Variants in ZNF804B observed in about 807,000 individuals in gnomAD.
The protein encoded by ZNF804B is zinc finger protein 804B, also known as zinc finger 804B.
Under a neutral mutation model 101.4 loss-of-function variants are expected in ZNF804B, and 80 were observed. That is an observed-to-expected ratio of 0.79 (90% CI 0.66 to 0.95). ZNF804B has a LOEUF of 0.95. ZNF804B is among the 40% of genes least tolerant of loss of function. The pLI is 0.00. For synonymous variants in ZNF804B, 622 were observed against 558.8 expected, an observed-to-expected ratio of 1.11 and a Z score of -1.59; for missense variants, 1,673 against 1,561.9, an observed-to-expected ratio of 1.07 and a Z score of -1.20.
intron 1 of ZNF804B, among the ~76,000 whole-genome samples, chr7:88,775,748 C>T (rs894729624): frequency 7.9e-5 from 12 of 152,172 alleles, no homozygotes; most frequent in African/African-American, 2.7e-4. Flanking sequence ...CTCCTCATTC[C>T]TGAAAAGCAT....
In ZNF804B at chr7:89,022,887, C is replaced by A. The variant is rs538527991; in HGVS notation, c.109-195268C>A. Among the ~76,000 whole-genome samples, 4 of 152,086 alleles carry A rather than the reference C, an allele frequency of 2.6e-5. No individual in the cohort carries two copies. The South Asian group carries it at 8.3e-4, about 32-fold the overall frequency. ...AATATTTTAAGGACTCCATCTTAACCCATGTTAATTCATAAGAAAAATCTT... is the reference window on the plus strand; with the variant it reads ...AATATTTTAAGGACTCCATCTTAACACATGTTAATTCATAAGAAAAATCTT... On this transcript the variant is annotated intron_variant, in intron 1 of 3. Coordinates refer to ENST00000333190, the MANE Select transcript of ZNF804B (RefSeq NM_181646.5).
intron 1 of ZNF804B, among the ~76,000 whole-genome samples, chr7:88,793,431 G>A (rs1790415745): frequency 6.6e-6 from 1 of 151,958 alleles, no homozygotes; most frequent in African/African-American, 2.4e-5. Context: ...TAACATAGAG[G>A]GATGTTCAAT....
intron 1 of ZNF804B, among the ~76,000 whole-genome samples, chr7:89,147,465 G>A (rs1314733688): frequency 6.6e-6 from 1 of 152,006 alleles, no homozygotes; most frequent in Admixed American, 6.6e-5. Context: ...TTTTCATGTT[G>A]AATTAAATCA....
intron 1 of ZNF804B, among the ~76,000 whole-genome samples, chr7:88,976,945 G>T (rs1482921391): frequency 6.6e-6 from 1 of 151,608 alleles, no homozygotes; most frequent in East Asian, 1.9e-4. Flanking sequence ...ATCATGAAGA[G>T]ATGTTAAAGT....
intron 1 of ZNF804B, among the ~76,000 whole-genome samples, chr7:88,965,819 A>G (rs903772732): frequency 4.0e-5 from 6 of 151,516 alleles, no homozygotes; most frequent in African/African-American, 1.5e-4. Context: ...CACTAAGCAA[A>G]CAAGGATTAA....
chr7:88,802,765 A>G (rs1790610579), intron 1 of ZNF804B, among the ~76,000 whole-genome samples: 1 of 152,044 alleles, frequency 6.6e-6, no homozygotes, highest in African/African-American at 2.4e-5. Flanking sequence ...AAGGCAGAAC[A>G]TTGTGGCAGA....
Position 89,335,422 on chromosome 7 carries a change from C to T in ZNF804B, c.2440C>T (p.Gln814Ter). 1 of 1,613,710 alleles carries T rather than the reference C, an allele frequency of 6.2e-7. No individual in the cohort carries two copies. Among genetic ancestry groups the T allele is most frequent in the South Asian group, 1.1e-5 (1 of 91,052 alleles). ...AGAAAGACAAAAACTGGGCAAAAAT[C>T]AACAACAATTTTCAGGGCTAAAATC... is the stretch of plus-strand genomic sequence containing the variant. ...CRERQKLGKN[Q>*]QQFSGLKSTR... Residue 814 changes from glutamine (Q) to a stop codon, truncating the protein, a stop_gained, in exon 4 of 4, where the codon CAA becomes TAA. Transcript: ENST00000333190. LOFTEE classifies it high-confidence loss of function.
chr7:88,895,163 A>G (rs1209216185), intron 1 of ZNF804B, among the ~76,000 whole-genome samples: 1 of 152,238 alleles, frequency 6.6e-6, no homozygotes. Context: ...TAAAGCCAAA[A>G]GAAACTGTAT....
intron 1 of ZNF804B, among the ~76,000 whole-genome samples, chr7:88,975,042 AT>A (rs1469609752): frequency 1.3e-5 from 2 of 151,406 alleles, no homozygotes; most frequent in Non-Finnish European, 3.0e-5. Context: ...TTGTCTTTCC[AT>A]GCCTGGCTTA....
intron 1 of ZNF804B, among the ~76,000 whole-genome samples, chr7:89,002,358 C>T (rs1293063418): frequency 6.6e-6 from 1 of 151,732 alleles, no homozygotes; most frequent in Non-Finnish European, 1.5e-5. Flanking sequence ...ACATACAAAA[C>T]CTAATCCTTT....
rs544918198 is a variant in ZNF804B at position 89,251,601 on chromosome 7, A to G, written c.249+33306A>G. Among the ~76,000 whole-genome samples the G allele has an allele frequency of 4.1e-3, 626 of 152,270 alleles. 3 individuals carry two copies. Among genetic ancestry groups the G allele is most frequent in the African/African-American group, 0.013 (554 of 41,554 alleles). On this transcript the variant is annotated intron_variant, in intron 2 of 3. Transcript: ENST00000333190. ...CACAGAGCTAGAAAAAAACTATTCT[A>G]AAATTCATATGGAACCATAAAAAGC...
intron 2 of ZNF804B, among the ~76,000 whole-genome samples, chr7:89,265,291 T>TGC (rs1380868471): frequency 4.2e-4 from 27 of 63,730 alleles, no homozygotes; most frequent in African/African-American, 1.4e-3. Flanking sequence ...TGTGTGTGTG[T>TGC]GTGCGCGTGC....
At chr7:89,237,402 C>T (rs1447604840) in intron 2 of ZNF804B, among the ~76,000 whole-genome samples, 2 of 152,130 alleles carry the variant, frequency 1.3e-5, no homozygotes, top group Non-Finnish European at 2.9e-5. Context: ...CCTTCAGTTT[C>T]CTTAGGTGTG....
At chr7:89,194,725 A>G (rs1450602613) in intron 1 of ZNF804B, among the ~76,000 whole-genome samples, 2 of 148,024 alleles carry the variant, frequency 1.4e-5, no homozygotes, top group Admixed American at 1.4e-4. Context: ...GCCTTGTAGT[A>G]TAGTTTGAAG....
At chr7:89,311,138 C>A (rs1006078717) in intron 2 of ZNF804B, among the ~76,000 whole-genome samples, 4 of 152,154 alleles carry the variant, frequency 2.6e-5, no homozygotes, top group South Asian at 2.1e-4. Flanking sequence ...ACCTCACACA[C>A]AAAAAAATCC....
chr7:89,036,214 T>C (rs935534387), intron 1 of ZNF804B, among the ~76,000 whole-genome samples: 6 of 151,082 alleles, frequency 4.0e-5, no homozygotes, highest in Non-Finnish European at 8.9e-5. Flanking sequence ...TATCCACTTA[T>C]TAGTTATTTG....
intron 2 of ZNF804B, among the ~76,000 whole-genome samples, chr7:89,269,362 C>T (rs1322716232): frequency 6.6e-6 from 1 of 152,042 alleles, no homozygotes; most frequent in Non-Finnish European, 1.5e-5. Flanking sequence ...TGGTTTCCAG[C>T]TTCATCCATG....
intron 2 of ZNF804B, among the ~76,000 whole-genome samples, chr7:89,325,361 C>T (rs1326537852): frequency 3.9e-5 from 6 of 151,900 alleles, no homozygotes; most frequent in Non-Finnish European, 7.4e-5. Context: ...TGTATATTTC[C>T]AAAGCACATT....
Position 89,334,202 on chromosome 7 carries a change from T to C in ZNF804B, c.1220T>C (p.Ile407Thr). ...GTGCATCTGAATCCAAATTCCAGAA[T>C]AGAGAACAGAGAAAAATCTTTAGAT... Reference protein sequence around the residue: ...STVHLNPNSRIENREKSLDKT... With the variant: ...STVHLNPNSRTENREKSLDKT... The change falls in exon 4 of 4, where the codon ATA (isoleucine) becomes ACA (threonine). Residue 407 changes from isoleucine to threonine, a missense_variant. Physicochemically the swap from Ile to Thr is moderately conservative, Grantham distance 89 (BLOSUM62 -1). Transcript: ENST00000333190. The C allele has an allele frequency of 6.2e-7, 1 of 1,613,478 alleles. No homozygotes were observed.
Sources: gnomAD v4.1 joint callset for allele counts (sites outside exome capture counted in the v4.1 genomes callset) on GRCh38, gnomAD v4.1.1 for gene constraint, MANE v1.5 for transcripts, NCBI Gene and HGNC (gene_info 2026-07-23, HGNC 2026-07-21) for gene names.